Variants in ITPR1 observed in about 807,000 individuals in gnomAD.
The protein encoded by ITPR1 is inositol 1,4,5-trisphosphate-gated calcium channel ITPR1.
Under a neutral mutation model 318.4 loss-of-function variants are expected in ITPR1, and 96 were observed. That is an observed-to-expected ratio of 0.30 (90% CI 0.26 to 0.36). The LOEUF (loss-of-function observed/expected upper bound fraction) is 0.36, where lower values mean the gene tolerates loss of function less well. ITPR1 is among the 10% of genes least tolerant of loss of function. ITPR1 has a pLI of 1.00. For synonymous variants in ITPR1, 1,312 were observed against 1,289.9 expected, an observed-to-expected ratio of 1.02 and a Z score of -0.37; for missense variants, 2,440 against 3,460.2, an observed-to-expected ratio of 0.71 and a Z score of 7.40.
chr3:4,688,652 G>GAGGGAGGAGGGC (rs780571794), intron 31 of ITPR1, 32 bp downstream of exon 31: 33 of 1,601,306 alleles, frequency 2.1e-5, no homozygotes, highest in Non-Finnish European at 1.5e-5. Flanking sequence ...CAAATCTATA[G>GAGGGAGGAGGGC]AGGGAGGAGG....
chr3:4,636,687 C>G (rs942480431), intron 5 of ITPR1, among the ~76,000 whole-genome samples: 1 of 152,254 alleles, frequency 6.6e-6, no homozygotes, highest in African/African-American at 2.4e-5. Flanking sequence ...CCTCGGCCTC[C>G]CAGAGTGCTG....
At chr3:4,654,844 A>G (rs2093671097) in intron 12 of ITPR1, among the ~76,000 whole-genome samples, 1 of 152,120 alleles carries the variant, frequency 6.6e-6, no homozygotes, top group Non-Finnish European at 1.5e-5. Context: ...TCTTGGTGAA[A>G]TGTTGGCTTT....
At chr3:4,539,780 G>A (rs763983561) in intron 4 of ITPR1, among the ~76,000 whole-genome samples, 4 of 152,104 alleles carry the variant, frequency 2.6e-5, no homozygotes, top group African/African-American at 4.8e-5. Flanking sequence ...TAGTACATTA[G>A]CATGCTCAGC....
In ITPR1 at chr3:4,779,419, G is replaced by C; in HGVS notation, c.6292-131G>C. The C allele has an allele frequency of 1.5e-6, 1 of 660,842 alleles. No homozygotes were observed. The highest frequency in any genetic ancestry group is 2.8e-5 in the East Asian group (1 of 35,458). 40.9% of individuals were successfully genotyped at this position (660,842 alleles called of 1,614,324 possible). A position where few individuals can be genotyped will look rare whatever the true frequency, so the allele number is the denominator to read the frequency against. On this transcript the variant is annotated intron_variant, in intron 48 of 61. Coordinates refer to ENST00000649015, the MANE Select transcript of ITPR1 (RefSeq NM_001378452.1). The surrounding 1 kb of genome is among the most constrained non-coding windows in gnomAD (Gnocchi z 4.0). ...GATGGATTTTGATGTCCTTAACCCA[G>C]AGCTTCCTCATGGGGTGAAATGTTC...
chr3:4,692,257 T>G (rs1291920884), intron 32 of ITPR1, among the ~76,000 whole-genome samples: 2 of 148,604 alleles, frequency 1.3e-5, no homozygotes, highest in Non-Finnish European at 3.0e-5. Flanking sequence ...AACTCCTCAG[T>G]GAGCTTTTCT....
chr3:4,622,543 C>A (rs1156738399), intron 4 of ITPR1, among the ~76,000 whole-genome samples: 1 of 151,732 alleles, frequency 6.6e-6, no homozygotes, highest in African/African-American at 2.4e-5. Flanking sequence ...CCTGCCTCAG[C>A]CTCCTGAGTA....
At chr3:4,751,215 C>T (rs954100520) in intron 44 of ITPR1, 1 of 152,518 alleles carries the variant, frequency 6.6e-6, no homozygotes, top group African/African-American at 2.4e-5. Context: ...GTTTACCCCA[C>T]AATCATAATT....
At chr3:4,637,324 G>T (rs1177569634) in intron 5 of ITPR1, among the ~76,000 whole-genome samples, 1 of 152,222 alleles carries the variant, frequency 6.6e-6, no homozygotes, top group Non-Finnish European at 1.5e-5. Flanking sequence ...AATGGATGCA[G>T]TCCAATGTTA....
At chr3:4,567,584 G>A (rs2087455828) in intron 4 of ITPR1, among the ~76,000 whole-genome samples, 1 of 149,168 alleles carries the variant, frequency 6.7e-6, no homozygotes, top group Non-Finnish European at 1.5e-5. Flanking sequence ...GCTTTATAGG[G>A]GAGGTGACGC....
At chr3:4,827,098 T>TA (rs1454792238) in intron 60 of ITPR1, among the ~76,000 whole-genome samples, 3 of 152,244 alleles carry the variant, frequency 2.0e-5, no homozygotes, top group African/African-American at 4.8e-5. Flanking sequence ...AATACCTGCA[T>TA]ACATGCACGT....
chr3:4,701,383 C>T (rs1016890396), intron 35 of ITPR1, among the ~76,000 whole-genome samples: 3 of 151,278 alleles, frequency 2.0e-5, no homozygotes, highest in South Asian at 2.1e-4. Context: ...GGTAAATGAC[C>T]GTTCTCATTG....
chr3:4,589,135 C>A (rs752257681), intron 4 of ITPR1, among the ~76,000 whole-genome samples: 1 of 152,056 alleles, frequency 6.6e-6, no homozygotes, highest in Non-Finnish European at 1.5e-5. Context: ...TCAGCCTGGG[C>A]AACATAGTGA....
chr3:4,541,489 A>T (rs2084434099), intron 4 of ITPR1, among the ~76,000 whole-genome samples: 1 of 150,478 alleles, frequency 6.6e-6, no homozygotes, highest in Admixed American at 6.6e-5. Context: ...TCTGTCTTTG[A>T]TTTTCTGTAA....
intron 7 of ITPR1, among the ~76,000 whole-genome samples, chr3:4,642,714 G>A (rs2093365432): frequency 6.6e-6 from 1 of 152,178 alleles, no homozygotes; most frequent in South Asian, 2.1e-4. Flanking sequence ...CAGGCTCCCC[G>A]TCGTGTTCAG....
intron 21 of ITPR1, 143 bp downstream of exon 21, chr3:4,673,530 A>T: frequency 1.1e-6 from 1 of 899,210 alleles, no homozygotes; most frequent in Non-Finnish European, 1.6e-6. Flanking sequence ...GATGGCAAAT[A>T]TTTTTTTCCT....
chr3:4,782,871 C>A, intron 50 of ITPR1, 130 bp downstream of exon 50: 2 of 840,354 alleles, frequency 2.4e-6, no homozygotes, highest in African/African-American at 1.8e-5. Context: ...CATGAGCCTG[C>A]GGCTCACAGG....
chr3:4,541,097 C>A (rs976978213), intron 4 of ITPR1, among the ~76,000 whole-genome samples: 3 of 152,096 alleles, frequency 2.0e-5, no homozygotes, highest in African/African-American at 7.2e-5. Context: ...CTCTCTCAGT[C>A]TATGCTCCTG....
At chr3:4,552,095 G>C (rs1006498514) in intron 4 of ITPR1, among the ~76,000 whole-genome samples, 4 of 152,174 alleles carry the variant, frequency 2.6e-5, no homozygotes, top group Non-Finnish European at 5.9e-5. Context: ...TTCTGATTGT[G>C]GAAAAAAACA....
rs1438129811 is a variant in ITPR1, at chr3:4,826,260, T to C, written c.8028+8018T>C. ...GTGCCTAGGTATGTTCCTAGAATAT[T>C]GATATTTCAACATTGGTAGTGCTGA... On this transcript the variant is annotated intron_variant, in intron 60 of 61. Transcript: ENST00000649015. This position sits in a 1 kb window ranked among gnomAD's most constrained non-coding sequence, Gnocchi z 4.2. 6.6e-6 allele frequency among the ~76,000 whole-genome samples: 1 copy of C among 152,232 alleles called. No individual in the cohort carries two copies. The highest frequency in any genetic ancestry group is 1.5e-5 in the Non-Finnish European group (1 of 68,038).
Sources: allele counts gnomAD v4.1 joint callset (sites outside exome capture counted in the v4.1 genomes callset), GRCh38; gene constraint gnomAD v4.1.1; non-coding constraint Gnocchi (gnomAD v3.1); transcripts MANE v1.5; gene names NCBI Gene and HGNC (gene_info 2026-07-23, HGNC 2026-07-21).